EXOC4: variants seen among roughly 807,000 people sequenced by gnomAD.
EXOC4 encodes SEC8-like 1.
EXOC4 carries 71 observed loss-of-function variants against 107.2 expected under a neutral mutation model. The observed-to-expected ratio is 0.66, with a 90% CI of 0.55 to 0.81. The LOEUF (loss-of-function observed/expected upper bound fraction) is 0.81. Ranked by LOEUF, EXOC4 falls within the 30% of genes least tolerant of loss-of-function variation. EXOC4 has a pLI of 0.00. For synonymous variants in EXOC4, 456 were observed against 441.2 expected (o/e 1.03, Z -0.42); for missense variants, 1,108 against 1,189.6 (o/e 0.93, Z 1.01).
intron 10 of EXOC4, among the ~76,000 whole-genome samples, chr7:133,631,315 T>C (rs1483254308): frequency 2.0e-5 from 3 of 152,114 alleles, no homozygotes; most frequent in Non-Finnish European, 2.9e-5. Context: ...TGACCAGATA[T>C]AATATTATGT....
chr7:134,052,879 C>A (rs181615181), intron 17 of EXOC4, among the ~76,000 whole-genome samples: 2 of 152,286 alleles, frequency 1.3e-5, no homozygotes, highest in African/African-American at 2.4e-5. Context: ...CATTAGCGAC[C>A]ATTATCCTGA....
intron 9 of EXOC4, among the ~76,000 whole-genome samples, chr7:133,499,985 C>T (rs2150885988): frequency 6.6e-6 from 1 of 151,262 alleles, no homozygotes; most frequent in African/African-American, 2.4e-5. Context: ...TATTTCATTT[C>T]TATTATAGCT....
At chr7:133,876,236 G>GTGTGTA (rs1276361164) in intron 11 of EXOC4, among the ~76,000 whole-genome samples, 1 of 151,874 alleles carries the variant, frequency 6.6e-6, no homozygotes, top group East Asian at 1.9e-4. Context: ...GTGTGTGTGT[G>GTGTGTA]TGTGTGTGTG....
intron 7 of EXOC4, among the ~76,000 whole-genome samples, chr7:133,402,625 A>T (rs138127577): frequency 0.012 from 1,810 of 152,134 alleles, 19 homozygotes; most frequent in Non-Finnish European, 0.019. Flanking sequence ...TAGCCTCCCA[A>T]ATAGCTGGGA....
chr7:133,787,963 T>TTTTATATATATATA (rs1203837455), intron 10 of EXOC4, among the ~76,000 whole-genome samples: 8 of 40,970 alleles, frequency 2.0e-4, no homozygotes, highest in Admixed American at 7.8e-4. Flanking sequence ...ATTTATATAT[T>TTTTATATATATATA]TATATATATA....
chr7:134,008,778 A>G (rs1312893003), intron 17 of EXOC4, among the ~76,000 whole-genome samples: 4 of 143,362 alleles, frequency 2.8e-5, no homozygotes, highest in African/African-American at 1.1e-4. Context: ...AAAGGCGAAC[A>G]CCACCATGCC....
rs143787698 is a variant in EXOC4, at chr7:133,519,738, G to A, written c.1417+39600G>A. 4.9e-3 allele frequency among the ~76,000 whole-genome samples: 752 copies of A among 152,274 alleles called. 6 individuals carry two copies. Among genetic ancestry groups the A allele is most frequent in the Non-Finnish European group, 8.3e-3 (567 of 68,014 alleles). ...AGTTTAGAGAAGTTGAGCATTTGTC[G>A]GAAGTCAAGTTGTCCAGCCAGTACC... On this transcript the variant is annotated intron_variant, in intron 9 of 17. Transcript: ENST00000253861.
chr7:133,775,620 G>T (rs975437210), intron 10 of EXOC4, among the ~76,000 whole-genome samples: 6 of 152,078 alleles, frequency 3.9e-5, no homozygotes, highest in African/African-American at 1.4e-4. Context: ...GTTTTTCTTT[G>T]TATTAAGTAC....
At chr7:133,750,609 CTCATTCTG>C (rs762665944) in intron 10 of EXOC4, among the ~76,000 whole-genome samples, 43 of 151,258 alleles carry the variant, frequency 2.8e-4, no homozygotes, top group Non-Finnish European at 5.7e-4. Flanking sequence ...GAAATAGGGC[CTCATTCTG>C]TCTCCCAGGC....
intron 17 of EXOC4, among the ~76,000 whole-genome samples, chr7:134,015,972 G>A (rs546704124): frequency 3.0e-4 from 46 of 151,988 alleles, no homozygotes; most frequent in Non-Finnish European, 6.6e-4. Context: ...TGAGAAGTGT[G>A]AAGGAGCTAA....
rs138452478 is a variant in EXOC4 at position 133,397,013 on chromosome 7, C to T, written c.1182+22011C>T. 1.0e-3 allele frequency among the ~76,000 whole-genome samples: 153 copies of T among 152,266 alleles called. 2 individuals are homozygous for T. In the East Asian group the frequency reaches 0.027, roughly 27 times the overall value. On this transcript the variant is annotated intron_variant, in intron 7 of 17. Coordinates refer to ENST00000253861, the MANE Select transcript of EXOC4 (RefSeq NM_021807.4). ...GTTTGTCACAACAATAATCATGATT[C>T]TTTCATCTCAAGCCTTGATTTGAAA...
At chr7:133,823,849 ATATATATATATATATATATATAT>A (rs1797594494) in intron 11 of EXOC4, among the ~76,000 whole-genome samples, 1 of 10,316 alleles carries the variant, frequency 9.7e-5, no homozygotes, top group African/African-American at 1.6e-3. Flanking sequence ...TATATTATAT[ATATATATATATATATATATATAT>A]TATATATATA....
chr7:133,975,533 G>C (rs1487380974), intron 14 of EXOC4, among the ~76,000 whole-genome samples: 1 of 152,078 alleles, frequency 6.6e-6, no homozygotes, highest in Non-Finnish European at 1.5e-5. Context: ...ACTAGGCATA[G>C]CTAGATGTTT....
intron 9 of EXOC4, among the ~76,000 whole-genome samples, chr7:133,579,125 A>G (rs943708423): frequency 2.6e-5 from 4 of 152,188 alleles, no homozygotes; most frequent in Non-Finnish European, 4.4e-5. Flanking sequence ...GCAATAAATG[A>G]CTATGAATAT....
chr7:133,385,262 T>G (rs1024418705), intron 7 of EXOC4, among the ~76,000 whole-genome samples: 22 of 152,182 alleles, frequency 1.4e-4, no homozygotes, highest in African/African-American at 4.8e-4. Flanking sequence ...TAGAATTTAT[T>G]TAGTGTGAAG....
intron 10 of EXOC4, among the ~76,000 whole-genome samples, chr7:133,644,718 G>A (rs1215308138): frequency 6.6e-6 from 1 of 152,122 alleles, no homozygotes; most frequent in Non-Finnish European, 1.5e-5. Flanking sequence ...TGGTGCCTGG[G>A]CATGAAGAGA....
At chr7:133,418,001 A>G (rs1382196671) in intron 7 of EXOC4, among the ~76,000 whole-genome samples, 1 of 152,184 alleles carries the variant, frequency 6.6e-6, no homozygotes, top group Non-Finnish European at 1.5e-5. Context: ...TAAAAAAGTA[A>G]TTCCTTTCTA....
intron 9 of EXOC4, among the ~76,000 whole-genome samples, chr7:133,492,525 G>A (rs1470957094): frequency 6.6e-6 from 1 of 152,128 alleles, no homozygotes. Flanking sequence ...TTTCCCTCAA[G>A]TGTAAGGCTT....
chr7:133,717,271 CT>C (rs1408358063), intron 10 of EXOC4, among the ~76,000 whole-genome samples: 2 of 152,104 alleles, frequency 1.3e-5, no homozygotes, highest in Non-Finnish European at 2.9e-5. Flanking sequence ...ATAAAGTGAG[CT>C]TTATAATTTT....
Sources: allele counts gnomAD v4.1 joint callset (sites outside exome capture counted in the v4.1 genomes callset), GRCh38; gene constraint gnomAD v4.1.1; transcripts MANE v1.5; gene names NCBI Gene and HGNC (gene_info 2026-07-23, HGNC 2026-07-21).